The following ZBBX variants were observed in gnomAD, a reference collection of about 807,000 sequenced individuals.
ZBBX encodes the protein zinc finger B-box domain-containing protein 1.
In ZBBX, 101 loss-of-function variants were observed where a neutral mutation model predicts 108.5. The observed-to-expected ratio is 0.93, with a 90% confidence interval of 0.79 to 1.10. The LOEUF is 1.10. Among genes scored for constraint, ZBBX ranks in the 50% least tolerant of loss-of-function variants. The pLI, the probability that ZBBX is intolerant of heterozygous loss-of-function variation, is 0.00. For missense variants in ZBBX, 1,009 were observed against 941.4 expected, an observed-to-expected ratio of 1.07 and a Z score of -0.94; for synonymous variants, 356 against 323.4, an observed-to-expected ratio of 1.10 and a Z score of -1.08.
intron 9 of ZBBX, among the ~76,000 whole-genome samples, chr3:167,349,698 T>C (rs186563513): frequency 5.3e-5 from 8 of 152,190 alleles, no homozygotes; most frequent in African/African-American, 1.9e-4. Flanking sequence ...CCTACCATTA[T>C]TCATCTCTAT....
At chr3:167,293,213 A>G (rs1214455464) in intron 18 of ZBBX, among the ~76,000 whole-genome samples, 3 of 152,226 alleles carry the variant, frequency 2.0e-5, no homozygotes, top group Non-Finnish European at 4.4e-5. Flanking sequence ...GGCCAGCATC[A>G]TCCTGATACC....
At chr3:167,293,277 T>G (rs1010991968) in intron 18 of ZBBX, among the ~76,000 whole-genome samples, 3 of 152,172 alleles carry the variant, frequency 2.0e-5, no homozygotes, top group African/African-American at 7.2e-5. Context: ...ATATCCCTGA[T>G]GAATATCTAT....
intron 4 of ZBBX, among the ~76,000 whole-genome samples, chr3:167,369,334 G>C (rs943499548): frequency 1.3e-4 from 20 of 152,238 alleles, no homozygotes; most frequent in East Asian, 1.9e-4. Context: ...AGCAGTGTGG[G>C]CACCCACGCA....
At chr3:167,331,582 G>C in intron 10 of ZBBX, 1 of 985,382 alleles carries the variant, frequency 1.0e-6, no homozygotes, top group Non-Finnish European at 1.2e-6. Context: ...CCACATAGCT[G>C]TGGCAGGGTA....
intron 9 of ZBBX, among the ~76,000 whole-genome samples, chr3:167,334,224 A>G (rs1739163297): frequency 6.6e-6 from 1 of 152,174 alleles, no homozygotes; most frequent in South Asian, 2.1e-4. Flanking sequence ...ATATCACTTA[A>G]TCATCAAGGC....
chr3:167,298,449 C>T lies in ZBBX; in HGVS notation c.1735G>A (p.Glu579Lys), dbSNP rs769355893. The stretch of plus-strand genomic sequence containing the variant: ...ATAGGCTTACTTCTGCAGGCTATTT[C>T]TTGTAACAACTAAGAAACAAAATAT... Reference protein sequence around the residue: ...KTTKSSLLLQEIACRSKPITK... With the variant: ...KTTKSSLLLQKIACRSKPITK... Residue 579 changes from glutamate to lysine, a missense_variant, in exon 18 of 22, where the codon GAA (glutamate) becomes AAA (lysine). By Grantham distance (56) the Glu-to-Lys change is moderately conservative (BLOSUM62 1). Coordinates refer to ENST00000675490, the MANE Select transcript of ZBBX (RefSeq NM_001199201.2). 1 of 1,492,634 alleles carries T rather than the reference C, an allele frequency of 6.7e-7. No individual in the cohort carries two copies. The highest frequency in any genetic ancestry group is 9.0e-7 in the Non-Finnish European group (1 of 1,112,284). The allele number at this position is 1,492,634 out of a possible 1,614,324, so 92.5% of individuals were successfully genotyped here. A position where few individuals can be genotyped will look rare whatever the true frequency, so the allele number is the denominator to read the frequency against.
chr3:167,308,487 T>C (rs1004031198), intron 16 of ZBBX, among the ~76,000 whole-genome samples: 1 of 152,208 alleles, frequency 6.6e-6, no homozygotes, highest in Non-Finnish European at 1.5e-5. Flanking sequence ...TAAATCATTC[T>C]ATTATAAAGA....
intron 20 of ZBBX, 133 bp downstream of exon 20, chr3:167,282,105 C>A: frequency 1.0e-6 from 1 of 969,650 alleles, no homozygotes; most frequent in East Asian, 2.6e-5. Flanking sequence ...ACAGACACAA[C>A]GGTTGATGGT....
intron 14 of ZBBX, among the ~76,000 whole-genome samples, chr3:167,316,313 G>A (rs982981110): frequency 2.0e-5 from 3 of 152,084 alleles, no homozygotes; most frequent in Non-Finnish European, 2.9e-5. Flanking sequence ...AAGAAAGGAA[G>A]AAAGCAGTAT....
At chr3:167,348,334 AAGAAAG>A (rs1203470952) in intron 9 of ZBBX, among the ~76,000 whole-genome samples, 5 of 107,768 alleles carry the variant, frequency 4.6e-5, no homozygotes, top group African/African-American at 1.9e-4. Context: ...GAAAGAAAGA[AAGAAAG>A]AAAGAAAGAA....
At chr3:167,223,936 A>G in the ZBBX span, among the ~76,000 whole-genome samples, 1 of 152,066 alleles carries the variant, frequency 6.6e-6, no homozygotes. Context: ...TAAATGTTAA[A>G]AAGACATTAG....
chr3:167,198,275 A>G, the ZBBX span, among the ~76,000 whole-genome samples: 1 of 152,088 alleles, frequency 6.6e-6, no homozygotes, highest in Admixed American at 6.6e-5. Flanking sequence ...CAATATTTTT[A>G]TAAGCTTAAG....
the ZBBX span, among the ~76,000 whole-genome samples, chr3:167,188,068 G>GA: frequency 2.0e-5 from 3 of 152,020 alleles, no homozygotes; most frequent in Non-Finnish European, 2.9e-5. Flanking sequence ...TCACAATAGA[G>GA]AAAAAATCTT....
chr3:167,297,726 T>C (rs1020489811), intron 18 of ZBBX, among the ~76,000 whole-genome samples: 9 of 151,888 alleles, frequency 5.9e-5, no homozygotes, highest in African/African-American at 1.7e-4. Context: ...AGCTAAGGAA[T>C]TGAATAGACA....
At chr3:167,354,741 A>G (rs1050127357) in intron 8 of ZBBX, among the ~76,000 whole-genome samples, 1 of 151,942 alleles carries the variant, frequency 6.6e-6, no homozygotes, top group Non-Finnish European at 1.5e-5. Flanking sequence ...AATTTTTCCT[A>G]AACATTTGGC....
chr3:167,337,379 C>T (rs1304081433), intron 9 of ZBBX, among the ~76,000 whole-genome samples: 2 of 151,884 alleles, frequency 1.3e-5, no homozygotes, highest in African/African-American at 4.8e-5. Flanking sequence ...ATTAGCTGAA[C>T]CTGGTGTTGC....
At chr3:167,393,652 A>T (rs1748144733) in intron 1 of ZBBX, among the ~76,000 whole-genome samples, 1 of 151,894 alleles carries the variant, frequency 6.6e-6, no homozygotes, top group South Asian at 2.1e-4. Flanking sequence ...ATAAAAGTTA[A>T]TGTAGTTGTT....
chr3:167,367,771 A>G (rs1444927087), intron 5 of ZBBX, among the ~76,000 whole-genome samples: 5 of 151,328 alleles, frequency 3.3e-5, no homozygotes, highest in Admixed American at 1.3e-4. Flanking sequence ...AGAAGAGAGA[A>G]TTTCCATCAC....
chr3:167,348,931 A>G (rs75214011), intron 9 of ZBBX, among the ~76,000 whole-genome samples: 7,986 of 152,148 alleles, frequency 0.052, 573 homozygotes, highest in African/African-American at 0.16. Flanking sequence ...ACTGTATGCC[A>G]TGTTGCTTTC....
Sources: gnomAD v4.1 joint callset for allele counts (sites outside exome capture counted in the v4.1 genomes callset) on GRCh38, gnomAD v4.1.1 for gene constraint, MANE v1.5 for transcripts, NCBI Gene and HGNC (gene_info 2026-07-23, HGNC 2026-07-21) for gene names.